Variants in EFL1 observed in about 807,000 individuals in gnomAD.
EFL1 encodes elongation factor-like GTPase 1.
In EFL1, 76 loss-of-function variants were observed where a neutral mutation model predicts 126.7. The observed-to-expected ratio is 0.60, with a 90% CI of 0.50 to 0.73. The LOEUF (loss-of-function observed/expected upper bound fraction) is 0.73. EFL1 is among the 30% of genes least tolerant of loss of function. The pLI is 0.00. For missense variants in EFL1, 1,128 were observed against 1,343.2 expected, an observed-to-expected ratio of 0.84 and a Z score of 2.50; for synonymous variants, 410 against 448.4, an observed-to-expected ratio of 0.91 and a Z score of 1.08.
chr15:82,238,473 T>C lies in EFL1; in HGVS notation c.565A>G (p.Arg189Gly), dbSNP rs760081330. 2.5e-6 allele frequency: 4 copies of C among 1,613,954 alleles called. No homozygotes were observed. Among genetic ancestry groups the C allele is most frequent in the Admixed American group, 1.7e-5 (1 of 59,994 alleles). The change falls in exon 7 of 20, where the codon AGA becomes GGA. Residue 189 changes from arginine (R) to glycine (G), a missense_variant. Transcript: ENST00000268206. ...TGGGATTCAGTCTCCCTCTCTGCTC[T>C]TTCTTCTAGGACTTTAGAAGTAAAA... is the stretch of plus-strand genomic sequence containing the variant. The part of the protein sequence containing the change: ...TLFTSKVLEE[R>G]AERETESQVN...
At chr15:82,248,958 T>C (rs1292279905) in intron 4 of EFL1, among the ~76,000 whole-genome samples, 1 of 152,072 alleles carries the variant, frequency 6.6e-6, no homozygotes, top group African/African-American at 2.4e-5. Context: ...TGACAGGTGT[T>C]AGAATAAGTA....
intron 18 of EFL1, among the ~76,000 whole-genome samples, chr15:82,144,654 T>C (rs1822753646): frequency 1.3e-5 from 2 of 152,166 alleles, no homozygotes; most frequent in Non-Finnish European, 2.9e-5. Context: ...TTGAATTGAA[T>C]TACAAAATGC....
At chr15:82,232,699 TA>T (rs2074834737) in intron 7 of EFL1, among the ~76,000 whole-genome samples, 1 of 152,220 alleles carries the variant, frequency 6.6e-6, no homozygotes, top group African/African-American at 2.4e-5. Context: ...TAATCTGAGC[TA>T]AAGCTTTGGT....
chr15:82,253,348 T>C (rs554433121), intron 3 of EFL1, among the ~76,000 whole-genome samples: 7 of 146,142 alleles, frequency 4.8e-5, no homozygotes, highest in South Asian at 4.4e-4. Context: ...CCCTCTCTCT[T>C]TTTTTTTTTT....
At position 82,182,639 on chromosome 15, in the gene EFL1, C is replaced by T. The variant is rs372864465; in HGVS notation, c.1751-18655G>A. On this transcript the variant is annotated intron_variant, in intron 15 of 19. Coordinates refer to ENST00000268206, the MANE Select transcript of EFL1 (RefSeq NM_024580.6). ...GAGATCGAGACCATCCTGGCTAACA[C>T]GGTGAAACCCCATCTCTACTAAAAA... 5.7e-4 allele frequency among the ~76,000 whole-genome samples: 86 copies of T among 151,948 alleles called. 1 individual carries two copies. The highest frequency in any genetic ancestry group is 1.9e-3 in the African/African-American group (77 of 41,450).
At chr15:82,215,173 G>A (rs2141297094) in intron 14 of EFL1, among the ~76,000 whole-genome samples, 1 of 152,222 alleles carries the variant, frequency 6.6e-6, no homozygotes, top group East Asian at 1.9e-4. Flanking sequence ...TTATTTATGT[G>A]AACCACATCA....
intron 16 of EFL1, among the ~76,000 whole-genome samples, chr15:82,161,516 G>C (rs959992645): frequency 3.3e-5 from 5 of 152,106 alleles, no homozygotes; most frequent in Non-Finnish European, 7.4e-5. Context: ...ACAAAATTCA[G>C]ACACTGAAAA....
rs142246231 is a variant in EFL1, at chr15:82,228,572, A to G, written c.933-245T>C. Among the ~76,000 whole-genome samples the G allele has an allele frequency of 4.1e-4, 62 of 152,350 alleles. 1 individual carries two copies. In the East Asian group the frequency reaches 0.012, roughly 29 times the overall value. ...TCTCCACCATCTCCTCAAGCAAGCT[A>G]TACCAAGTGGTAAAGCAGTCTTACA... On this transcript the variant is annotated intron_variant, in intron 9 of 19. Transcript: ENST00000268206.
intron 15 of EFL1, among the ~76,000 whole-genome samples, chr15:82,171,447 A>G (rs973672715): frequency 2.3e-4 from 35 of 152,252 alleles, no homozygotes; most frequent in Non-Finnish European, 8.8e-5. Context: ...AAGGGGCAAC[A>G]GTGGCAGACA....
intron 19 of EFL1, among the ~76,000 whole-genome samples, chr15:82,134,134 G>A (rs554391604): frequency 1.8e-4 from 27 of 152,322 alleles, no homozygotes; most frequent in African/African-American, 5.8e-4. Flanking sequence ...ACTGTATGAA[G>A]ACATCTTCAC....
chr15:82,242,245 T>C (rs2141328808), intron 4 of EFL1, among the ~76,000 whole-genome samples: 1 of 151,938 alleles, frequency 6.6e-6, no homozygotes, highest in East Asian at 1.9e-4. Flanking sequence ...GAATAACTAT[T>C]AGAATGCTCA....
chr15:82,233,563 A>G (rs1455170805), intron 7 of EFL1: 1 of 152,250 alleles, frequency 6.6e-6, no homozygotes, highest in Non-Finnish European at 1.5e-5. Flanking sequence ...TAAATCTATT[A>G]CAAAGGGCTT....
At position 82,164,128 on chromosome 15, in the gene EFL1, G is replaced by GTT. The variant is rs879265545; in HGVS notation, c.1751-146_1751-145dup. ...GCAAGAAATGAGGCGGACCTGCACT[G>GTT]TTTTTTTTTTTGTACACCTGGATAC... On this transcript the variant is annotated intron_variant, in intron 15 of 19. Transcript: ENST00000268206. 1,506 of 766,552 alleles carry GTT rather than the reference G, an allele frequency of 2.0e-3. 6 individuals are homozygous for GTT. Among genetic ancestry groups the GTT allele is most frequent in the African/African-American group, 0.018 (985 of 54,004 alleles). The allele number at this position is 766,552 out of a possible 1,614,324, so 47.5% of individuals were successfully genotyped here. A position where few individuals can be genotyped will look rare whatever the true frequency, so the allele number is the denominator to read the frequency against.
At chr15:82,228,434 C>CA in intron 9 of EFL1, 107 bp from the exon 10 acceptor site, 9 of 1,378,942 alleles carry the variant, frequency 6.5e-6, no homozygotes, top group African/African-American at 1.5e-5. Context: ...GTTACTTTTT[C>CA]AAAAAAAGCT....
Position 82,141,926 on chromosome 15 carries a change from T to A in EFL1, c.2990-3084A>T, listed in dbSNP as rs183721508. On this transcript the variant is annotated intron_variant, in intron 18 of 19. Coordinates refer to ENST00000268206, the MANE Select transcript of EFL1 (RefSeq NM_024580.6). ...GTAATTTTGATCCATTCAATTTTAA[T>A]TCCATGAAAACTATATGTTGATACT... Among the ~76,000 whole-genome samples the A allele has an allele frequency of 2.8e-3, 431 of 152,308 alleles. 4 individuals carry two copies. Among genetic ancestry groups the A allele is most frequent in the African/African-American group, 9.9e-3 (411 of 41,572 alleles).
intron 17 of EFL1, among the ~76,000 whole-genome samples, chr15:82,153,059 T>C (rs1332909900): frequency 1.3e-5 from 2 of 152,214 alleles, no homozygotes; most frequent in African/African-American, 2.4e-5. Context: ...TAAATTTAAA[T>C]AGACACATAT....
In EFL1 at chr15:82,256,721, C is replaced by T. The variant is rs955061148; in HGVS notation, c.159+2367G>A. On this transcript the variant is annotated intron_variant, in intron 3 of 19. Transcript: ENST00000268206. ...ATAGATGTTGAATTTTACTACATGT[C>T]TTTATATCTGTTGAAATGATCATGA... Among the ~76,000 whole-genome samples the T allele has an allele frequency of 2.0e-5, 3 of 152,284 alleles. No homozygotes were observed. The East Asian group carries it at 5.8e-4, about 29-fold the overall frequency.
At chr15:82,238,235 A>G (rs2074894196) in intron 7 of EFL1, 72 bp downstream of exon 7, 1 of 1,500,638 alleles carries the variant, frequency 6.7e-7, no homozygotes, top group Non-Finnish European at 9.1e-7. Context: ...TCTCAAAATA[A>G]AAGTTTCACT....
intron 15 of EFL1, among the ~76,000 whole-genome samples, chr15:82,178,604 C>G (rs1027966943): frequency 6.6e-6 from 1 of 152,222 alleles, no homozygotes. Context: ...GGCCAAAAGG[C>G]AAATCAAGTG....
Sources: allele counts gnomAD v4.1 joint callset (sites outside exome capture counted in the v4.1 genomes callset), GRCh38; gene constraint gnomAD v4.1.1; transcripts MANE v1.5; gene names NCBI Gene and HGNC (gene_info 2026-07-23, HGNC 2026-07-21).